CPQ: variants seen among roughly 807,000 people sequenced by gnomAD.
CPQ encodes the protein Ser-Met dipeptidase.
In CPQ, 37 loss-of-function variants were observed where a neutral mutation model predicts 45.7. The ratio of observed to expected loss-of-function variants is 0.81; its 90% confidence interval spans 0.62 to 1.07. The LOEUF is 1.07. Among genes scored for constraint, CPQ ranks in the 50% least tolerant of loss-of-function variants. The probability of loss-of-function intolerance (pLI) is 0.00; values close to 1 mark genes in which losing one functional copy is unlikely to be tolerated. For synonymous variants in CPQ, 186 were observed against 205.8 expected, an observed-to-expected ratio of 0.90 and a Z score of 0.82; for missense variants, 537 against 572.9, an observed-to-expected ratio of 0.94 and a Z score of 0.64.
chr8:96,949,903 T>C (rs1438316196), intron 4 of CPQ, among the ~76,000 whole-genome samples: 1 of 152,150 alleles, frequency 6.6e-6, no homozygotes, highest in Admixed American at 6.6e-5. Context: ...CAGAGATGTT[T>C]ATCTGGTTCT....
intron 1 of CPQ, among the ~76,000 whole-genome samples, chr8:96,719,711 A>G (rs974573049): frequency 6.6e-6 from 1 of 152,174 alleles, no homozygotes; most frequent in South Asian, 2.1e-4. Flanking sequence ...GTGAGGTAGG[A>G]TCAGGAATGG....
chr8:96,888,329 G>T (rs1812329521), intron 4 of CPQ, among the ~76,000 whole-genome samples: 2 of 152,098 alleles, frequency 1.3e-5, no homozygotes, highest in African/African-American at 4.8e-5. Flanking sequence ...TAAGCTGAGT[G>T]GCTTAATCCT....
intron 1 of CPQ, among the ~76,000 whole-genome samples, chr8:96,650,725 A>G (rs1416273917): frequency 6.6e-6 from 1 of 152,240 alleles, no homozygotes; most frequent in African/African-American, 2.4e-5. Flanking sequence ...AAGAGCCAAG[A>G]TCTCTGGGGA....
At chr8:96,925,892 G>A (rs1177576955) in intron 4 of CPQ, among the ~76,000 whole-genome samples, 1 of 149,456 alleles carries the variant, frequency 6.7e-6, no homozygotes, top group Admixed American at 6.7e-5. Context: ...GTTTCAACAT[G>A]TTAGCCAGGA....
intron 4 of CPQ, among the ~76,000 whole-genome samples, chr8:96,963,004 G>A (rs774222930): frequency 7.9e-5 from 12 of 151,908 alleles, no homozygotes; most frequent in Admixed American, 4.6e-4. Context: ...ATGGGATATC[G>A]CTTAGTTTCC....
intron 3 of CPQ, among the ~76,000 whole-genome samples, chr8:96,860,143 C>G (rs1451941211): frequency 6.6e-6 from 1 of 152,054 alleles, no homozygotes; most frequent in African/African-American, 2.4e-5. Context: ...CTGTGTTGTC[C>G]TTGCCACTCT....
At chr8:97,008,631 C>T (rs1290412946) in intron 5 of CPQ, among the ~76,000 whole-genome samples, 2 of 152,142 alleles carry the variant, frequency 1.3e-5, no homozygotes, top group South Asian at 2.1e-4. Context: ...AAGCTGTGAG[C>T]TTTGCTATCA....
intron 1 of CPQ, among the ~76,000 whole-genome samples, chr8:96,729,275 T>C (rs188217059): frequency 6.6e-5 from 10 of 152,286 alleles, no homozygotes; most frequent in Admixed American, 2.0e-4. Flanking sequence ...ACATATACCC[T>C]AAGACAATGC....
chr8:96,782,024 G>A (rs559862981), intron 1 of CPQ, among the ~76,000 whole-genome samples: 1 of 152,168 alleles, frequency 6.6e-6, no homozygotes, highest in Non-Finnish European at 1.5e-5. Context: ...TGCACCTATG[G>A]CTTTGCTGGA....
At chr8:96,948,161 G>A (rs951789648) in intron 4 of CPQ, among the ~76,000 whole-genome samples, 1 of 152,020 alleles carries the variant, frequency 6.6e-6, no homozygotes, top group Non-Finnish European at 1.5e-5. Flanking sequence ...GGTTAATAAA[G>A]TCACTTTCTT....
At chr8:96,842,995 T>C (rs1302433346) in intron 3 of CPQ, among the ~76,000 whole-genome samples, 1 of 152,162 alleles carries the variant, frequency 6.6e-6, no homozygotes, top group Non-Finnish European at 1.5e-5. Flanking sequence ...TACCTCCGCC[T>C]CCCGGGTTCA....
At chr8:96,912,188 T>C (rs1563527250) in intron 4 of CPQ, among the ~76,000 whole-genome samples, 3 of 152,236 alleles carry the variant, frequency 2.0e-5, no homozygotes, top group South Asian at 2.1e-4. Flanking sequence ...TATTTTAACA[T>C]ATGAAATGCA....
intron 4 of CPQ, among the ~76,000 whole-genome samples, chr8:96,961,742 G>A (rs558535907): frequency 3.0e-4 from 45 of 152,102 alleles, no homozygotes; most frequent in Admixed American, 2.3e-3. Flanking sequence ...TACTCATTTC[G>A]GTATCTCTAG....
intron 6 of CPQ, among the ~76,000 whole-genome samples, chr8:97,044,950 G>A (rs1257231232): frequency 2.6e-5 from 4 of 152,234 alleles, no homozygotes; most frequent in Non-Finnish European, 5.9e-5. Context: ...GGACCCACTT[G>A]AGGAGGCAGT....
intron 4 of CPQ, among the ~76,000 whole-genome samples, chr8:96,886,229 C>T (rs1237009234): frequency 6.6e-6 from 1 of 152,144 alleles, no homozygotes; most frequent in African/African-American, 2.4e-5. Flanking sequence ...TTCACTGGGG[C>T]TAAAGCAGTC....
intron 1 of CPQ, among the ~76,000 whole-genome samples, chr8:96,777,141 G>A (rs1344750004): frequency 6.6e-6 from 1 of 151,948 alleles, no homozygotes; most frequent in East Asian, 1.9e-4. Flanking sequence ...TAAATGAATT[G>A]CATCTTTTAT....
chr8:96,962,877 A>G (rs1813484233), intron 4 of CPQ, among the ~76,000 whole-genome samples: 1 of 151,920 alleles, frequency 6.6e-6, no homozygotes, highest in African/African-American at 2.4e-5. Flanking sequence ...TACTACTACT[A>G]TTTCATTGTT....
chr8:97,123,299 T>C (rs927738918), intron 7 of CPQ, among the ~76,000 whole-genome samples: 3 of 145,182 alleles, frequency 2.1e-5, no homozygotes, highest in Non-Finnish European at 4.6e-5. Flanking sequence ...GGCATTTTGG[T>C]TTTTAAAATA....
At chr8:97,060,049 G>GT (rs1810521705) in intron 6 of CPQ, among the ~76,000 whole-genome samples, 1 of 149,860 alleles carries the variant, frequency 6.7e-6, no homozygotes, top group Non-Finnish European at 1.5e-5. Context: ...TTTTTCCATG[G>GT]TGGTCTCATA....
Sources: allele counts gnomAD v4.1 joint callset (sites outside exome capture counted in the v4.1 genomes callset), GRCh38; gene constraint gnomAD v4.1.1; transcripts MANE v1.5; gene names NCBI Gene and HGNC (gene_info 2026-07-23, HGNC 2026-07-21).